The following ITGA1 variants were observed in gnomAD, a reference collection of about 807,000 sequenced individuals.
The protein encoded by ITGA1 is integrin subunit alpha 1.
In ITGA1, 85 loss-of-function variants were observed where a neutral mutation model predicts 145.9. The ratio of observed to expected loss-of-function variants is 0.58; its 90% CI spans 0.49 to 0.70. ITGA1 has a LOEUF of 0.70. ITGA1 is among the 30% of genes least tolerant of loss of function. ITGA1 has a pLI of 0.00. For missense variants in ITGA1, 1,351 were observed against 1,418.7 expected, an observed-to-expected ratio of 0.95 and a Z score of 0.77; for synonymous variants, 520 against 495.3, an observed-to-expected ratio of 1.05 and a Z score of -0.66.
intron 20 of ITGA1, 88 bp from the exon 21 acceptor site, chr5:52,929,537 A>G: frequency 1.5e-6 from 1 of 684,330 alleles, no homozygotes; most frequent in South Asian, 1.7e-5. Context: ...TCATAATTTG[A>G]GTTTAGGTAA....
intron 2 of ITGA1, among the ~76,000 whole-genome samples, chr5:52,859,802 T>C (rs1749570351): frequency 1.3e-5 from 2 of 152,210 alleles, no homozygotes; most frequent in Non-Finnish European, 2.9e-5. Flanking sequence ...ATACATTCCA[T>C]TGTGCATATG....
chr5:52,875,265 A>G (rs981482898), intron 6 of ITGA1, among the ~76,000 whole-genome samples: 1 of 152,132 alleles, frequency 6.6e-6, no homozygotes, highest in Non-Finnish European at 1.5e-5. Flanking sequence ...AGTAACATAC[A>G]AAGGGATGCT....
intron 1 of ITGA1, among the ~76,000 whole-genome samples, chr5:52,812,466 A>G (rs1192567659): frequency 6.6e-6 from 1 of 152,220 alleles, no homozygotes; most frequent in Non-Finnish European, 1.5e-5. Flanking sequence ...GAGAACAGGA[A>G]GACATTACAA....
At chr5:52,815,651 T>C (rs974521778) in intron 1 of ITGA1, among the ~76,000 whole-genome samples, 1 of 152,214 alleles carries the variant, frequency 6.6e-6, no homozygotes, top group Non-Finnish European at 1.5e-5. Context: ...TCCTTCCCTA[T>C]GTTTGGAAAA....
intron 3 of ITGA1, 24 bp from the exon 4 acceptor site, chr5:52,864,739 C>G: frequency 6.9e-7 from 1 of 1,446,970 alleles, no homozygotes; most frequent in Admixed American, 1.8e-5. Flanking sequence ...TTTCCTCCCT[C>G]ATAAAATTTT....
chr5:52,909,910 A>G (rs1750476604), intron 13 of ITGA1, among the ~76,000 whole-genome samples: 1 of 152,108 alleles, frequency 6.6e-6, no homozygotes, highest in Non-Finnish European at 1.5e-5. Context: ...GGCCTGAAAA[A>G]GATGCTCTGA....
intron 8 of ITGA1, among the ~76,000 whole-genome samples, chr5:52,888,950 T>G (rs13357233): frequency 0.15 from 22,163 of 152,134 alleles, 1,801 homozygotes; most frequent in East Asian, 0.27. Context: ...ATGAGGGCTT[T>G]ACTGAAGCAA....
intron 1 of ITGA1, among the ~76,000 whole-genome samples, chr5:52,799,617 T>C (rs2111658607): frequency 6.6e-6 from 1 of 152,330 alleles, no homozygotes; most frequent in South Asian, 2.1e-4. Context: ...GCTGGACACG[T>C]TGCTGGGAGC....
At chr5:52,830,126 TA>T (rs1561220924) in intron 1 of ITGA1, among the ~76,000 whole-genome samples, 2 of 152,184 alleles carry the variant, frequency 1.3e-5, no homozygotes, top group African/African-American at 4.8e-5. Flanking sequence ...TAGGGTATAG[TA>T]GCTCTGTGGC....
chr5:52,897,461 C>G lies in ITGA1; in HGVS notation c.1097C>G (p.Ala366Gly). ...GERIFALEATADQSAASFEME... is the reference protein window; with the variant it reads ...GERIFALEATGDQSAASFEME... ...ATATTTTCCTATGTTATAGCCACAG[C>G]TGACCAGTCAGCAGCTTCATTTGAA... is the stretch of plus-strand genomic sequence containing the variant. The change falls in exon 10 of 29, where the codon GCT becomes GGT. Residue 366 changes from alanine (A) to glycine (G), a missense_variant. Coordinates refer to ENST00000282588, the MANE Select transcript of ITGA1 (RefSeq NM_181501.2). 1 of 1,610,360 alleles carries G rather than the reference C, an allele frequency of 6.2e-7. No homozygotes were observed. The highest frequency in any genetic ancestry group is 2.2e-5 in the East Asian group (1 of 44,848).
At chr5:52,912,638 T>C (rs1479354645) in intron 14 of ITGA1, among the ~76,000 whole-genome samples, 2 of 146,960 alleles carry the variant, frequency 1.4e-5, no homozygotes, top group Non-Finnish European at 1.5e-5. Flanking sequence ...AGTGTATCTA[T>C]ATACTAGATA....
chr5:52,855,476 G>A (rs1238168964), intron 2 of ITGA1, among the ~76,000 whole-genome samples: 1 of 152,068 alleles, frequency 6.6e-6, no homozygotes, highest in Non-Finnish European at 1.5e-5. Flanking sequence ...TTTATTGAAT[G>A]CCTATTTTGT....
intron 11 of ITGA1, among the ~76,000 whole-genome samples, chr5:52,899,592 A>T (rs1243744389): frequency 6.6e-6 from 1 of 152,140 alleles, no homozygotes; most frequent in Non-Finnish European, 1.5e-5. Flanking sequence ...ACAAGGAGAA[A>T]ATGACAAACT....
Position 52,910,330 on chromosome 5 carries a change from G to T in ITGA1, c.1768G>T (p.Val590Leu). The part of the protein sequence containing the change: ...DLNLDGFNDI[V>L]IGAPLEDDHG... ...CAATCTTGATGGATTTAATGACATC[G>T]TGATAGGAGCTCCGCTGGAAGATGA... The change falls in exon 14 of 29, where the codon GTG becomes TTG. Residue 590 changes from valine (V) to leucine (L), a missense_variant. Physicochemically the swap from Val to Leu is conservative, Grantham distance 32 (BLOSUM62 1). Coordinates refer to ENST00000282588, the MANE Select transcript of ITGA1 (RefSeq NM_181501.2). 1 of 1,613,924 alleles carries T rather than the reference G, an allele frequency of 6.2e-7. No homozygotes were observed. The highest frequency in any genetic ancestry group is 8.5e-7 in the Non-Finnish European group (1 of 1,179,900).
chr5:52,939,247 C>G (rs948177559), intron 24 of ITGA1, among the ~76,000 whole-genome samples: 6 of 149,544 alleles, frequency 4.0e-5, no homozygotes, highest in African/African-American at 1.5e-4. Context: ...TTTTCTCTCT[C>G]TGTAGTATAG....
intron 8 of ITGA1, among the ~76,000 whole-genome samples, chr5:52,889,438 C>T (rs1310243887): frequency 2.0e-5 from 3 of 152,152 alleles, no homozygotes; most frequent in African/African-American, 7.2e-5. Flanking sequence ...ACAAGTCTTT[C>T]GTAGATTATA....
At chr5:52,899,533 C>G (rs1043298829) in intron 11 of ITGA1, among the ~76,000 whole-genome samples, 1 of 152,156 alleles carries the variant, frequency 6.6e-6, no homozygotes, top group Non-Finnish European at 1.5e-5. Flanking sequence ...ACATTCCACT[C>G]TGGTCAGACA....
chr5:52,925,899 TCCTTA>T, intron 19 of ITGA1, among the ~76,000 whole-genome samples: 1 of 152,150 alleles, frequency 6.6e-6, no homozygotes, highest in East Asian at 1.9e-4. Flanking sequence ...CTATGCAAAA[TCCTTA>T]CTTTGGCAAG....
Position 52,925,296 on chromosome 5 carries a change from T to A in ITGA1, c.2422T>A (p.Cys808Ser). 1 of 1,613,960 alleles carries A rather than the reference T, an allele frequency of 6.2e-7. No homozygotes were observed. The stretch of plus-strand genomic sequence containing the variant: ...ATTTCAGATTCCCTTTGCCAAAGAT[T>A]GTGGAAATAAGGAAAAATGTATCTC... ...VHEYIPFAKD[C>S]GNKEKCISDL... The change falls in exon 19 of 29, where the codon TGT becomes AGT. Residue 808 changes from cysteine to serine, a missense_variant. Cys to Ser is a moderately radical substitution (Grantham distance 112). Transcript: ENST00000282588.
Sources: allele counts gnomAD v4.1 joint callset (sites outside exome capture counted in the v4.1 genomes callset), GRCh38; gene constraint gnomAD v4.1.1; transcripts MANE v1.5; gene names NCBI Gene and HGNC (gene_info 2026-07-23, HGNC 2026-07-21).